KCNMB2: variants seen among roughly 807,000 people sequenced by gnomAD.
KCNMB2 encodes calcium-activated potassium channel subunit beta-2.
Under a neutral mutation model 24.5 loss-of-function variants are expected in KCNMB2, and 9 were observed. The ratio of observed to expected loss-of-function variants is 0.37; its 90% CI spans 0.22 to 0.64. The LOEUF (loss-of-function observed/expected upper bound fraction) is 0.64, where lower values mean the gene tolerates loss of function less well. Ranked by LOEUF, KCNMB2 falls within the 30% of genes least tolerant of loss-of-function variation. The probability of loss-of-function intolerance (pLI) is 0.63; values close to 1 mark genes in which losing one functional copy is unlikely to be tolerated. For missense variants in KCNMB2, 226 were observed against 284.3 expected (o/e 0.79, Z 1.47); for synonymous variants, 109 against 104.4 (o/e 1.04, Z -0.27).
intron 1 of KCNMB2, among the ~76,000 whole-genome samples, chr3:178,614,249 A>G (rs1235467805): frequency 7.5e-5 from 1 of 13,392 alleles, no homozygotes; most frequent in Non-Finnish European, 1.2e-4. Context: ...GGCTAATTTT[A>G]TATATATATA....
chr3:178,598,083 G>T (rs1717943095), intron 1 of KCNMB2, among the ~76,000 whole-genome samples: 2 of 151,690 alleles, frequency 1.3e-5, no homozygotes, highest in Non-Finnish European at 2.9e-5. Flanking sequence ...CAGACTTCAA[G>T]TTTCTAATTA....
At chr3:178,781,465 G>A (rs891741294) in intron 1 of KCNMB2, among the ~76,000 whole-genome samples, 12 of 152,044 alleles carry the variant, frequency 7.9e-5, no homozygotes, top group Non-Finnish European at 1.8e-4. Flanking sequence ...GGTGGCACAC[G>A]CCTGTAATCC....
At chr3:178,702,396 T>C (rs12696459) in intron 1 of KCNMB2, among the ~76,000 whole-genome samples, 108,232 of 151,306 alleles carry the variant, frequency 0.72, 39,223 homozygotes, top group African/African-American at 0.86. Context: ...CAAACCTGCA[T>C]TTTGTGCACA....
chr3:178,763,219 G>C (rs1711979592), intron 1 of KCNMB2, among the ~76,000 whole-genome samples: 1 of 152,192 alleles, frequency 6.6e-6, no homozygotes, highest in Non-Finnish European at 1.5e-5. Context: ...TGTAGGTGAT[G>C]GTTGAGTATC....
chr3:178,678,646 C>CAGATGACTT (rs1721155440), intron 1 of KCNMB2, among the ~76,000 whole-genome samples: 2 of 152,206 alleles, frequency 1.3e-5, no homozygotes, highest in African/African-American at 4.8e-5. Context: ...CATGAAAACT[C>CAGATGACTT]AGATGACTTC....
intron 1 of KCNMB2, among the ~76,000 whole-genome samples, chr3:178,649,727 A>T (rs1299167288): frequency 6.6e-6 from 1 of 151,556 alleles, no homozygotes; most frequent in Non-Finnish European, 1.5e-5. Context: ...CCCCTTTATC[A>T]TTTTTTATTT....
intron 1 of KCNMB2, among the ~76,000 whole-genome samples, chr3:178,731,185 G>T (rs1723138448): frequency 1.3e-5 from 2 of 152,162 alleles, no homozygotes; most frequent in South Asian, 4.1e-4. Flanking sequence ...ACTGGCCCCA[G>T]TTGGAACAAT....
chr3:178,810,530 T>G (rs1714145004), intron 2 of KCNMB2, among the ~76,000 whole-genome samples: 1 of 152,164 alleles, frequency 6.6e-6, no homozygotes, highest in Non-Finnish European at 1.5e-5. Context: ...AAACCAAATG[T>G]TTTTTTGCTC....
intron 1 of KCNMB2, among the ~76,000 whole-genome samples, chr3:178,633,636 C>T (rs1277644133): frequency 6.6e-6 from 1 of 152,174 alleles, no homozygotes; most frequent in Non-Finnish European, 1.5e-5. Context: ...TTTTTCCCTC[C>T]TAGGCCTCTG....
At chr3:178,633,776 C>T (rs1719416192) in intron 1 of KCNMB2, among the ~76,000 whole-genome samples, 1 of 152,238 alleles carries the variant, frequency 6.6e-6, no homozygotes, top group Non-Finnish European at 1.5e-5. Context: ...TGAATTTCTT[C>T]CCAGAATATA....
At chr3:178,560,215 G>A (rs1018419445) in intron 1 of KCNMB2, among the ~76,000 whole-genome samples, 3 of 151,906 alleles carry the variant, frequency 2.0e-5, no homozygotes, top group African/African-American at 7.2e-5. Context: ...AAGATAGTTT[G>A]TACCATTTGG....
chr3:178,599,652 T>C (rs1052825887), intron 1 of KCNMB2, among the ~76,000 whole-genome samples: 11 of 152,232 alleles, frequency 7.2e-5, no homozygotes, highest in African/African-American at 2.4e-4. Context: ...ATTCATTTTA[T>C]GCATACAGTT....
At chr3:178,700,592 T>C (rs1722052022) in intron 1 of KCNMB2, among the ~76,000 whole-genome samples, 1 of 152,248 alleles carries the variant, frequency 6.6e-6, no homozygotes. Context: ...CACATGGCCA[T>C]TTCCTTACAG....
At chr3:178,611,327 T>C (rs978820332) in intron 1 of KCNMB2, among the ~76,000 whole-genome samples, 1 of 152,208 alleles carries the variant, frequency 6.6e-6, no homozygotes, top group Non-Finnish European at 1.5e-5. Flanking sequence ...TTCTTTTGTA[T>C]TTCTCATTGT....
intron 1 of KCNMB2, among the ~76,000 whole-genome samples, chr3:178,603,975 C>T (rs1455358418): frequency 6.6e-6 from 1 of 152,130 alleles, no homozygotes; most frequent in Non-Finnish European, 1.5e-5. Context: ...AGACACAGAA[C>T]CACCCCAAGG....
At chr3:178,616,048 A>C (rs1379598193) in intron 1 of KCNMB2, among the ~76,000 whole-genome samples, 2 of 152,018 alleles carry the variant, frequency 1.3e-5, no homozygotes, top group African/African-American at 4.8e-5. Flanking sequence ...AAGATGCAAA[A>C]CTAAGTCTTC....
At position 178,670,049 on chromosome 3, in the gene KCNMB2, T is replaced by C. The variant is rs560227364; in HGVS notation, c.-68+133338T>C. Reference sequence around the variant, plus strand: ...TGATTTGCGAGAAAGGATTCGAAGTTGAGCTTTCTCAGTGGAAAGTGAAGG... The same window carrying C: ...TGATTTGCGAGAAAGGATTCGAAGTCGAGCTTTCTCAGTGGAAAGTGAAGG... On this transcript the variant is annotated intron_variant, in intron 1 of 4. Transcript: ENST00000452583. Among the ~76,000 whole-genome samples the C allele has an allele frequency of 5.9e-5, 9 of 152,294 alleles. No homozygotes were observed. In the South Asian group the frequency reaches 1.9e-3, roughly 32 times the overall value.
chr3:178,828,098 T>G, intron 3 of KCNMB2, 80 bp from the exon 4 acceptor site: 32 of 1,071,978 alleles, frequency 3.0e-5, no homozygotes, highest in Non-Finnish European at 4.1e-5. Flanking sequence ...CTTCAGGAGA[T>G]GAGAAATAAT....
At chr3:178,620,688 G>A (rs897933603) in intron 1 of KCNMB2, among the ~76,000 whole-genome samples, 3 of 152,188 alleles carry the variant, frequency 2.0e-5, no homozygotes, top group Non-Finnish European at 4.4e-5. Flanking sequence ...TCAACATAAT[G>A]TATTTTGGGG....
Sources: allele counts gnomAD v4.1 joint callset (sites outside exome capture counted in the v4.1 genomes callset), GRCh38; gene constraint gnomAD v4.1.1; transcripts MANE v1.5; gene names NCBI Gene and HGNC (gene_info 2026-07-23, HGNC 2026-07-21).